ADAM12: variants seen among roughly 807,000 people sequenced by gnomAD.
ADAM12 encodes ADAM metallopeptidase domain 12.
Under a neutral mutation model 106.4 loss-of-function variants are expected in ADAM12, and 70 were observed. That is an observed-to-expected ratio of 0.66 (90% confidence interval 0.54 to 0.80). The LOEUF (loss-of-function observed/expected upper bound fraction) is 0.80. Ranked by LOEUF, ADAM12 falls within the 30% of genes least tolerant of loss-of-function variation. ADAM12 has a pLI of 0.00. For synonymous variants in ADAM12, 420 were observed against 433.5 expected, an observed-to-expected ratio of 0.97 and a Z score of 0.39; for missense variants, 1,010 against 1,171.9, an observed-to-expected ratio of 0.86 and a Z score of 2.02.
chr10:126,026,300 T>C lies in ADAM12; in HGVS notation c.2530-6475A>G, dbSNP rs1453810638. 3.3e-5 allele frequency among the ~76,000 whole-genome samples: 5 copies of C among 152,180 alleles called. No individual in the cohort carries two copies. In the East Asian group the frequency reaches 9.6e-4, roughly 29 times the overall value. On this transcript the variant is annotated intron_variant, in intron 21 of 22. Coordinates refer to ENST00000448723, the MANE Select transcript of ADAM12 (RefSeq NM_001288973.2). Reference sequence around the variant, plus strand: ...AGAAGAGCTAACTATCCTAAATATGTGTGCATCTTATACCACCCAGATTCA... The same window carrying C: ...AGAAGAGCTAACTATCCTAAATATGCGTGCATCTTATACCACCCAGATTCA...
chr10:126,268,000 G>A (rs1174462213), intron 3 of ADAM12, among the ~76,000 whole-genome samples: 10 of 152,094 alleles, frequency 6.6e-5, no homozygotes, highest in Non-Finnish European at 1.5e-5. Flanking sequence ...TTAACCATTT[G>A]CAATTGCATA....
At chr10:126,297,531 G>A (rs1188758271) in intron 2 of ADAM12, among the ~76,000 whole-genome samples, 1 of 152,164 alleles carries the variant, frequency 6.6e-6, no homozygotes, top group Admixed American at 6.5e-5. Flanking sequence ...GCCTGGGTGA[G>A]GGAGCAAGGC....
At chr10:126,077,374 A>T (rs1054440676) in intron 11 of ADAM12, among the ~76,000 whole-genome samples, 2 of 152,200 alleles carry the variant, frequency 1.3e-5, no homozygotes, top group Non-Finnish European at 2.9e-5. Flanking sequence ...GTAATTTTTC[A>T]CAGAATTAGA....
chr10:126,046,264 A>G, intron 16 of ADAM12, 132 bp from the exon 17 acceptor site: 1 of 776,098 alleles, frequency 1.3e-6, no homozygotes, highest in Non-Finnish European at 2.2e-6. Flanking sequence ...CTCAGTTAAT[A>G]CGGATGGAGC....
chr10:126,277,539 A>T (rs115870850), intron 3 of ADAM12, among the ~76,000 whole-genome samples: 177 of 152,320 alleles, frequency 1.2e-3, no homozygotes, highest in African/African-American at 4.0e-3. Context: ...TTTCAAAACC[A>T]TACCTAAAAA....
chr10:126,178,345 T>C (rs1565118256), intron 3 of ADAM12, among the ~76,000 whole-genome samples: 1 of 151,370 alleles, frequency 6.6e-6, no homozygotes, highest in Admixed American at 6.6e-5. Flanking sequence ...ATAAAACAGG[T>C]AGGAAAATCG....
At chr10:126,140,822 TGCATCAC>T (rs1956496103) in intron 4 of ADAM12, among the ~76,000 whole-genome samples, 1 of 152,204 alleles carries the variant, frequency 6.6e-6, no homozygotes, top group African/African-American at 2.4e-5. Flanking sequence ...TGTCACACCA[TGCATCAC>T]GTGGTTGGTT....
At chr10:126,068,983 G>A (rs937744205) in intron 12 of ADAM12, among the ~76,000 whole-genome samples, 1 of 152,124 alleles carries the variant, frequency 6.6e-6, no homozygotes, top group African/African-American at 2.4e-5. Context: ...TTGGGTGCTG[G>A]CAGTTGTTTT....
At chr10:126,293,014 T>G (rs1590742544) in intron 2 of ADAM12, among the ~76,000 whole-genome samples, 1 of 152,230 alleles carries the variant, frequency 6.6e-6, no homozygotes, top group East Asian at 1.9e-4. Context: ...TCCCAGGTGA[T>G]GCTGATGCTG....
At chr10:126,175,494 G>T (rs190137776) in intron 3 of ADAM12, among the ~76,000 whole-genome samples, 1 of 152,246 alleles carries the variant, frequency 6.6e-6, no homozygotes, top group East Asian at 1.9e-4. Context: ...AGTGGTGAGT[G>T]CCAAAAAACA....
rs1183464922 is a variant in ADAM12 at position 126,049,504 on chromosome 10, C to G, written c.1719-53G>C. On this transcript the variant is annotated intron_variant, in intron 15 of 22. Transcript: ENST00000448723. This position sits in a 1 kb window ranked among gnomAD's most constrained non-coding sequence, Gnocchi z 4.4. ...AAGGAGAAACCATTTGGAACCAACC[C>G]TATGCAATGTGGGAAGGTCAGAGCA... 4.3e-6 allele frequency: 7 copies of G among 1,613,594 alleles called. No homozygotes were observed. The highest frequency in any genetic ancestry group is 5.9e-6 in the Non-Finnish European group (7 of 1,179,622).
At chr10:126,242,820 G>A (rs1378662842) in intron 3 of ADAM12, among the ~76,000 whole-genome samples, 2 of 152,154 alleles carry the variant, frequency 1.3e-5, no homozygotes, top group East Asian at 3.9e-4. Flanking sequence ...GGGTTCACAT[G>A]GTGAGACAGA....
intron 3 of ADAM12, among the ~76,000 whole-genome samples, chr10:126,214,820 G>A (rs1053595621): frequency 6.6e-6 from 1 of 152,190 alleles, no homozygotes; most frequent in African/African-American, 2.4e-5. Flanking sequence ...TAGAATAGCA[G>A]CTTTCTGGAA....
intron 1 of ADAM12, among the ~76,000 whole-genome samples, chr10:126,353,131 A>G (rs546741422): frequency 2.7e-4 from 41 of 152,332 alleles, no homozygotes; most frequent in African/African-American, 9.6e-4. Flanking sequence ...AGGAATTGCC[A>G]TCACTCCCTA....
At chr10:126,218,947 G>A (rs910432645) in intron 3 of ADAM12, among the ~76,000 whole-genome samples, 5 of 152,172 alleles carry the variant, frequency 3.3e-5, no homozygotes, top group African/African-American at 4.8e-5. Context: ...GCCTGACCTC[G>A]TGCTTGATGC....
intron 3 of ADAM12, among the ~76,000 whole-genome samples, chr10:126,158,948 T>G (rs1300810312): frequency 6.6e-6 from 1 of 151,788 alleles, no homozygotes; most frequent in African/African-American, 2.4e-5. Context: ...GCATGGAAGA[T>G]GCAGCTAAGG....
chr10:126,387,239 C>T (rs1221222374), intron 1 of ADAM12, among the ~76,000 whole-genome samples: 1 of 152,220 alleles, frequency 6.6e-6, no homozygotes, highest in East Asian at 1.9e-4. Flanking sequence ...AAAAAGGCAC[C>T]TGCTGGGTGA....
At chr10:126,028,158 A>C (rs1590303876) in intron 21 of ADAM12, among the ~76,000 whole-genome samples, 1 of 152,168 alleles carries the variant, frequency 6.6e-6, no homozygotes, top group Non-Finnish European at 1.5e-5. Flanking sequence ...GGAGAACTAC[A>C]CCACTGCTCA....
At chr10:126,153,463 G>A (rs753571653) in intron 4 of ADAM12, among the ~76,000 whole-genome samples, 15 of 152,102 alleles carry the variant, frequency 9.9e-5, no homozygotes, top group Non-Finnish European at 1.9e-4. Context: ...GGACAGGCTC[G>A]TCACACTCTG....
Sources: gnomAD v4.1 joint callset for allele counts (sites outside exome capture counted in the v4.1 genomes callset) on GRCh38, gnomAD v4.1.1 for gene constraint, Gnocchi (gnomAD v3.1) non-coding constraint, MANE v1.5 for transcripts, NCBI Gene and HGNC (gene_info 2026-07-23, HGNC 2026-07-21) for gene names.